Variants in CABLES2 observed in about 807,000 individuals in gnomAD.
CABLES2 encodes CDK5 and ABL1 enzyme substrate 2.
A neutral mutation model predicts 44.8 loss-of-function variants in CABLES2; 35 were observed. The observed-to-expected ratio is 0.78, with a 90% CI of 0.60 to 1.04. CABLES2 has a LOEUF of 1.04. Among genes scored for constraint, CABLES2 ranks in the 50% least tolerant of loss-of-function variants. CABLES2 has a pLI of 0.00. For synonymous variants in CABLES2, 282 were observed against 281.1 expected (o/e 1.00, Z -0.03); for missense variants, 566 against 615.7 (o/e 0.92, Z 0.85).
Position 62,389,736 on chromosome 20 carries a change from T to G in CABLES2, c.*1235A>C, listed in dbSNP as rs1987876172. ...TCAGCAGTCCTTGGTTATTCAGTGTTTTTGATGAGGCAGCTAGCTGGAGCG... is the reference window on the plus strand; with the variant it reads ...TCAGCAGTCCTTGGTTATTCAGTGTGTTTGATGAGGCAGCTAGCTGGAGCG... On this transcript the variant is annotated 3_prime_UTR_variant, in exon 10 of 10. Coordinates refer to ENST00000279101, the MANE Select transcript of CABLES2 (RefSeq NM_031215.3). 6.6e-6 allele frequency: 1 copy of G among 152,244 alleles called. No individual in the cohort carries two copies. Among genetic ancestry groups the G allele is most frequent in the Admixed American group, 6.5e-5 (1 of 15,284 alleles). 9.4% of individuals were successfully genotyped at this position (152,244 alleles called of 1,614,324 possible). A position where few individuals can be genotyped will look rare whatever the true frequency, so the allele number is the denominator to read the frequency against.
At chr20:62,400,321 G>A (rs1367009384) in intron 1 of CABLES2, among the ~76,000 whole-genome samples, 1 of 152,194 alleles carries the variant, frequency 6.6e-6, no homozygotes, top group Non-Finnish European at 1.5e-5. Flanking sequence ...GGCTCTGAGG[G>A]CAGTGGGAGG....
intron 1 of CABLES2, among the ~76,000 whole-genome samples, chr20:62,400,880 G>T (rs956956316): frequency 6.6e-6 from 1 of 152,224 alleles, no homozygotes; most frequent in South Asian, 2.1e-4. Context: ...TTCTTCTACA[G>T]ATCTTTCTCT....
chr20:62,392,927 G>A lies in CABLES2; in HGVS notation c.977C>T (p.Ser326Leu), dbSNP rs765990633. 2.2e-5 allele frequency: 36 copies of A among 1,613,570 alleles called. No individual in the cohort carries two copies. Among genetic ancestry groups the A allele is most frequent in the Non-Finnish European group, 2.5e-5 (29 of 1,179,804 alleles). The change falls in exon 7 of 10, where the codon TCG becomes TTG. Residue 326 changes from serine to leucine, a missense_variant. By Grantham distance (145) the Ser-to-Leu change is moderately radical (BLOSUM62 -2). Around this residue, in one of 2 missense-constraint regions of CABLES2, gnomAD observed 436 missense variants for 536.3 expected, o/e 0.81. Coordinates refer to ENST00000279101, the MANE Select transcript of CABLES2 (RefSeq NM_031215.3). ...CTGGGAGAGGGCACTCACCATGTACGACGCAAAGATGAGGACACGTTTGTG... is the reference window on the plus strand; with the variant it reads ...CTGGGAGAGGGCACTCACCATGTACAACGCAAAGATGAGGACACGTTTGTG... ...GKHKRVLIFA[S>L]YMTTVIEYVK...
chr20:62,397,624 C>T (rs1039717877), intron 1 of CABLES2, among the ~76,000 whole-genome samples: 1 of 152,216 alleles, frequency 6.6e-6, no homozygotes. Context: ...AAGTGCAGAG[C>T]TGGGTCTTGA....
intron 1 of CABLES2, among the ~76,000 whole-genome samples, chr20:62,406,277 C>G (rs1419826875): frequency 1.3e-5 from 2 of 151,984 alleles, no homozygotes; most frequent in Non-Finnish European, 2.9e-5. Flanking sequence ...CATGCTGGGT[C>G]TGAGGAGGTG....
Position 62,393,434 on chromosome 20 carries a change from G to GGCT in CABLES2, c.880+3_880+5dup. ...TTCCAGGCCGTGGTTAAGGCACGTG[G>GGCT]GCTACCTAGTTCTGTGCTGGCTGGT... On this transcript the variant is annotated splice_donor_region_variant and intron_variant, in intron 6 of 9. Transcript: ENST00000279101. 1 of 1,587,522 alleles carries GGCT rather than the reference G, an allele frequency of 6.3e-7. No homozygotes were observed. The highest frequency in any genetic ancestry group is 8.6e-7 in the Non-Finnish European group (1 of 1,165,506).
At chr20:62,392,280 A>G in intron 8 of CABLES2, 109 bp downstream of exon 8, 1 of 806,214 alleles carries the variant, frequency 1.2e-6, no homozygotes. Flanking sequence ...GGGGTTGGGG[A>G]TGGGCAGCGG....
Position 62,390,873 on chromosome 20 carries a change from G to T in CABLES2, c.*98C>A. 1 of 1,451,956 alleles carries T rather than the reference G, an allele frequency of 6.9e-7. No homozygotes were observed. The allele number at this position is 1,451,956 out of a possible 1,614,324, so 89.9% of individuals were successfully genotyped here. ...GGCCAGGTGCCTCCTGCTAGCAGGTGCTGGGGGTGCTGGCAGGAGGAGGCG... is the reference window on the plus strand; with the variant it reads ...GGCCAGGTGCCTCCTGCTAGCAGGTTCTGGGGGTGCTGGCAGGAGGAGGCG... On this transcript the variant is annotated 3_prime_UTR_variant, in exon 10 of 10. Transcript: ENST00000279101.
rs755616870 is a variant in CABLES2, at chr20:62,393,063, G to A, written c.881-40C>T. 43 of 1,557,020 alleles carry A rather than the reference G, an allele frequency of 2.8e-5. No homozygotes were observed. In the Middle Eastern group the frequency reaches 6.7e-4, roughly 24 times the overall value. On this transcript the variant is annotated intron_variant, in intron 6 of 9. Transcript: ENST00000279101. ...ACCCCTGACCCACCAGGAGTCTTGAGCAGTACCCATCTAGCCCCAAGGCCT... is the reference window on the plus strand; with the variant it reads ...ACCCCTGACCCACCAGGAGTCTTGAACAGTACCCATCTAGCCCCAAGGCCT...
At chr20:62,398,111 G>A (rs770880892) in intron 1 of CABLES2, among the ~76,000 whole-genome samples, 2,812 of 141,490 alleles carry the variant, frequency 0.02, 80 homozygotes, top group Non-Finnish European at 0.029. Context: ...TGGTGATGGT[G>A]GTGGTGGTGG....
intron 1 of CABLES2, chr20:62,402,523 G>A (rs1339421223): frequency 2.0e-5 from 3 of 152,348 alleles, no homozygotes; most frequent in South Asian, 2.1e-4. Flanking sequence ...CGCCAGCACC[G>A]GGGAGACTGG....
chr20:62,401,117 G>C (rs1003008036), intron 1 of CABLES2, among the ~76,000 whole-genome samples: 2 of 152,202 alleles, frequency 1.3e-5, no homozygotes, highest in Admixed American at 1.3e-4. Context: ...CGCTCCCACT[G>C]TGTCAGTTGG....
chr20:62,390,880 G>A lies in CABLES2; in HGVS notation c.*91C>T, dbSNP rs889275037. ...TGCCTCCTGCTAGCAGGTGCTGGGG[G>A]TGCTGGCAGGAGGAGGCGCGGGGCT... On this transcript the variant is annotated 3_prime_UTR_variant, in exon 10 of 10. Coordinates refer to ENST00000279101, the MANE Select transcript of CABLES2 (RefSeq NM_031215.3). 5.3e-6 allele frequency: 8 copies of A among 1,497,276 alleles called. No individual in the cohort carries two copies. Among genetic ancestry groups the A allele is most frequent in the Admixed American group, 5.3e-5 (3 of 56,826 alleles). The allele number at this position is 1,497,276 out of a possible 1,614,324, so 92.7% of individuals were successfully genotyped here.
Position 62,391,580 on chromosome 20 carries a change from T to C in CABLES2, c.1092-127A>G. On this transcript the variant is annotated intron_variant, in intron 8 of 9. Coordinates refer to ENST00000279101, the MANE Select transcript of CABLES2 (RefSeq NM_031215.3). This position sits in a 1 kb window ranked among gnomAD's most constrained non-coding sequence, Gnocchi z 5.7. ...GCCGCAAGAAACACCACCGCATCCT[T>C]CAGGGGATGGTACCCTCCGCCGTAC... 1 of 918,206 alleles carries C rather than the reference T, an allele frequency of 1.1e-6. No homozygotes were observed. Among genetic ancestry groups the C allele is most frequent in the Non-Finnish European group, 1.7e-6 (1 of 578,800 alleles). 56.9% of individuals were successfully genotyped at this position (918,206 alleles called of 1,614,324 possible).
chr20:62,393,882 G>C (rs986950692), intron 5 of CABLES2, among the ~76,000 whole-genome samples: 1 of 152,250 alleles, frequency 6.6e-6, no homozygotes. Flanking sequence ...AGAGGCCAGA[G>C]GGTTGGCGAG....
chr20:62,394,573 T>A (rs950393644), intron 4 of CABLES2, among the ~76,000 whole-genome samples: 2 of 152,148 alleles, frequency 1.3e-5, no homozygotes, highest in African/African-American at 4.8e-5. Context: ...CCACTGTTTT[T>A]AAGCCAGGGC....
intron 1 of CABLES2, among the ~76,000 whole-genome samples, 198 bp downstream of exon 1, chr20:62,406,717 C>T (rs1569020731): frequency 1.1e-5 from 1 of 90,334 alleles, no homozygotes; most frequent in Non-Finnish European, 2.3e-5. Flanking sequence ...CTGTCCAGGG[C>T]TGACAAGGCC....
chr20:62,406,828 C>T, intron 1 of CABLES2, 87 bp downstream of exon 1: 3 of 775,502 alleles, frequency 3.9e-6, no homozygotes, highest in Non-Finnish European at 5.0e-6. Context: ...CCCAAGTAAT[C>T]CTGACCCCTA....
rs540257141 is a variant in CABLES2 at position 62,397,721 on chromosome 20, A to G, written c.363-1129T>C. ...TGTGCCTGAGCACCAAGGCATTCCA[A>G]AAGCACAGCTTAGGAGATAAGGTCC... On this transcript the variant is annotated intron_variant, in intron 1 of 9. Transcript: ENST00000279101. Among the ~76,000 whole-genome samples the G allele has an allele frequency of 3.3e-5, 5 of 152,336 alleles. No individual in the cohort carries two copies. The East Asian group carries it at 9.6e-4, about 29-fold the overall frequency.
Sources: allele counts gnomAD v4.1 joint callset (sites outside exome capture counted in the v4.1 genomes callset), GRCh38; gene constraint gnomAD v4.1.1; regional missense constraint gnomAD v4.1.1; non-coding constraint Gnocchi (gnomAD v3.1); transcripts MANE v1.5; gene names NCBI Gene and HGNC (gene_info 2026-07-23, HGNC 2026-07-21).